The following PHF21B variants were observed in gnomAD, a reference collection of about 807,000 sequenced individuals.
PHF21B encodes PHD finger protein 21B, also known as PHD finger protein 4.
Under a neutral mutation model 62.2 loss-of-function variants are expected in PHF21B, and 22 were observed. That is an observed-to-expected ratio of 0.35 (90% confidence interval 0.25 to 0.51). The LOEUF (loss-of-function observed/expected upper bound fraction) is 0.51, where lower values mean the gene tolerates loss of function less well. PHF21B is among the 20% of genes least tolerant of loss of function. The probability of loss-of-function intolerance (pLI) is 0.97; values close to 1 mark genes in which losing one functional copy is unlikely to be tolerated. For synonymous variants in PHF21B, 341 were observed against 314.7 expected, an observed-to-expected ratio of 1.08 and a Z score of -0.88; for missense variants, 701 against 707.9, an observed-to-expected ratio of 0.99 and a Z score of 0.11.
At chr22:44,944,007 G>A (rs993222840) in intron 2 of PHF21B, among the ~76,000 whole-genome samples, 10 of 152,206 alleles carry the variant, frequency 6.6e-5, no homozygotes, top group Admixed American at 4.6e-4. Context: ...AAGGAACAGC[G>A]CTGGGCCTGG....
chr22:44,921,160 G>A (rs1423593711), intron 2 of PHF21B, among the ~76,000 whole-genome samples: 1 of 152,178 alleles, frequency 6.6e-6, no homozygotes, highest in East Asian at 1.9e-4. Flanking sequence ...CCCAATATGG[G>A]GGTCTCGCCA....
At chr22:44,895,913 G>T in intron 6 of PHF21B, 119 bp downstream of exon 6, 3 of 1,091,588 alleles carry the variant, frequency 2.7e-6, no homozygotes, top group Non-Finnish European at 2.8e-6. Context: ...GTGAGGCCAC[G>T]CTCCACCCAT....
chr22:44,998,649 C>T (rs995967529), intron 2 of PHF21B, among the ~76,000 whole-genome samples: 7 of 152,196 alleles, frequency 4.6e-5, no homozygotes, highest in African/African-American at 1.7e-4. Flanking sequence ...GCTCTGGGTA[C>T]ACCCGTCCAG....
intron 2 of PHF21B, among the ~76,000 whole-genome samples, chr22:45,006,854 ATTT>A (rs5845686): frequency 8.2e-5 from 12 of 145,940 alleles, no homozygotes; most frequent in African/African-American, 3.0e-4. Flanking sequence ...CTGGTGGCAG[ATTT>A]TTTTTTTTTT....
At chr22:44,998,960 G>C (rs946797058) in intron 2 of PHF21B, among the ~76,000 whole-genome samples, 15 of 152,256 alleles carry the variant, frequency 9.9e-5, no homozygotes, top group African/African-American at 3.6e-4. Flanking sequence ...CAGGATGAGG[G>C]TTTGACTCAA....
At chr22:44,897,411 A>C (rs907513715) in intron 5 of PHF21B, among the ~76,000 whole-genome samples, 2 of 152,066 alleles carry the variant, frequency 1.3e-5, no homozygotes, top group Non-Finnish European at 2.9e-5. Flanking sequence ...AGCCACTCCT[A>C]TGGCGTATGA....
At position 44,882,231 on chromosome 22, in the gene PHF21B, A is replaced by T. The variant is rs993138709; in HGVS notation, c.*855T>A. ...TAAGTTGAATGATTCAACCCCAAGG[A>T]GAAAACCTGCCAAATGCTGCCCCCC... On this transcript the variant is annotated 3_prime_UTR_variant, in exon 13 of 13. Transcript: ENST00000313237. 1.3e-5 allele frequency: 2 copies of T among 152,648 alleles called. No homozygotes were observed. The highest frequency in any genetic ancestry group is 2.9e-5 in the Non-Finnish European group (2 of 68,076). 9.5% of individuals were successfully genotyped at this position (152,648 alleles called of 1,614,324 possible). A position where few individuals can be genotyped will look rare whatever the true frequency, so the allele number is the denominator to read the frequency against.
chr22:44,947,299 T>C (rs1601630894), intron 2 of PHF21B, among the ~76,000 whole-genome samples: 1 of 152,198 alleles, frequency 6.6e-6, no homozygotes, highest in East Asian at 1.9e-4. Context: ...TTCACGTTCA[T>C]GATCTCATTT....
chr22:44,972,651 C>T (rs2092787), intron 2 of PHF21B, among the ~76,000 whole-genome samples: 10,253 of 152,262 alleles, frequency 0.067, 406 homozygotes, highest in Middle Eastern at 0.14. Flanking sequence ...TGGGCAGAAG[C>T]GGACATCGTG....
chr22:44,925,384 T>C (rs1345507189), intron 2 of PHF21B, among the ~76,000 whole-genome samples: 1 of 152,172 alleles, frequency 6.6e-6, no homozygotes, highest in Non-Finnish European at 1.5e-5. Flanking sequence ...CATCCTCAAA[T>C]GACATGGCAG....
At chr22:44,883,847 T>A (rs2070780736) in intron 12 of PHF21B, among the ~76,000 whole-genome samples, 1 of 152,004 alleles carries the variant, frequency 6.6e-6, no homozygotes. Flanking sequence ...ATAGGGACAA[T>A]CACAAAGCCT....
chr22:44,889,114 G>T (rs1287583366), intron 9 of PHF21B, among the ~76,000 whole-genome samples: 1 of 152,244 alleles, frequency 6.6e-6, no homozygotes, highest in Non-Finnish European at 1.5e-5. Flanking sequence ...CTGCTTCTTA[G>T]AGGCTTGACA....
At chr22:44,943,836 G>C (rs1331177936) in intron 2 of PHF21B, among the ~76,000 whole-genome samples, 4 of 152,138 alleles carry the variant, frequency 2.6e-5, no homozygotes, top group African/African-American at 9.7e-5. Flanking sequence ...TGCTCGTGGG[G>C]CACCGGGAAA....
intron 8 of PHF21B, among the ~76,000 whole-genome samples, chr22:44,890,192 G>A (rs1469517136): frequency 1.3e-5 from 2 of 152,138 alleles, no homozygotes; most frequent in Non-Finnish European, 2.9e-5. Flanking sequence ...GAGCCACCAT[G>A]GGAACAGGCT....
chr22:44,913,730 C>T (rs957965059), intron 5 of PHF21B, 92 bp downstream of exon 5: 4 of 1,468,844 alleles, frequency 2.7e-6, no homozygotes, highest in Non-Finnish European at 3.6e-6. Flanking sequence ...CGGGACCACC[C>T]CACAGTGAGG....
intron 2 of PHF21B, 173 bp downstream of exon 2, chr22:45,008,372 C>G (rs911457834): frequency 1.8e-6 from 1 of 562,792 alleles, no homozygotes; most frequent in Non-Finnish European, 2.7e-6. Flanking sequence ...CCTCCGAGAA[C>G]CCGGCTCTTT....
chr22:44,902,623 G>T (rs1340541368), intron 5 of PHF21B, among the ~76,000 whole-genome samples: 1 of 151,992 alleles, frequency 6.6e-6, no homozygotes, highest in Non-Finnish European at 1.5e-5. Context: ...CCAGCTCATG[G>T]TTAATTCTCT....
intron 2 of PHF21B, among the ~76,000 whole-genome samples, chr22:44,952,024 C>T (rs2072204318): frequency 6.6e-6 from 1 of 152,138 alleles, no homozygotes; most frequent in African/African-American, 2.4e-5. Context: ...TGATGGTGCT[C>T]ACTGCGTGTT....
intron 2 of PHF21B, among the ~76,000 whole-genome samples, chr22:44,967,619 G>A (rs1038823269): frequency 1.3e-5 from 2 of 152,204 alleles, no homozygotes; most frequent in Admixed American, 6.5e-5. Context: ...AGTAGCCCAC[G>A]CTGTTTCTGC....
Sources: gnomAD v4.1 joint callset for allele counts (sites outside exome capture counted in the v4.1 genomes callset) on GRCh38, gnomAD v4.1.1 for gene constraint, MANE v1.5 for transcripts, NCBI Gene and HGNC (gene_info 2026-07-23, HGNC 2026-07-21) for gene names.